The following ASPH variants were observed in gnomAD, a reference collection of about 807,000 sequenced individuals.
The protein encoded by ASPH is aspartyl/asparaginyl beta-hydroxylase.
ASPH carries 100 observed loss-of-function variants against 118.4 expected under a neutral mutation model. That is an observed-to-expected ratio of 0.84 (90% CI 0.72 to 1.00). The LOEUF is 1.00. ASPH is among the 50% of genes least tolerant of loss of function. ASPH has a pLI of 0.00. For missense variants in ASPH, 920 were observed against 919.5 expected, an observed-to-expected ratio of 1.00 and a Z score of -0.01; for synonymous variants, 315 against 325.6, an observed-to-expected ratio of 0.97 and a Z score of 0.35.
At position 61,633,723 on chromosome 8, in the gene ASPH, T is replaced by C. The variant is rs561156442; in HGVS notation, c.894A>G (p.Val298=). Residue 298 remains valine, a synonymous_variant, in exon 13 of 25, where the codon GTA becomes GTG. Transcript: ENST00000379454. The stretch of plus-strand genomic sequence containing the variant: ...GCTGTTCTTCCACAGGAAAAATGCT[T>C]ACTTCTAAAATAAATAATAAAGTTA... ...VEDSQVIVEE[V]SIFPVEEQQE... 1 of 1,595,278 alleles carries C rather than the reference T, an allele frequency of 6.3e-7. No homozygotes were observed. The highest frequency in any genetic ancestry group is 2.3e-5 in the East Asian group (1 of 44,308).
Position 61,552,019 on chromosome 8 carries a change from A to G in ASPH, c.1626+1012T>C, listed in dbSNP as rs528423206. On this transcript the variant is annotated intron_variant, in intron 20 of 24. Transcript: ENST00000379454. ...TGGTTCATGTTCCTAGCAGACAATT[A>G]CGTTATCACAAACCCCTTCACTTCT... is the stretch of plus-strand genomic sequence containing the variant. 2.6e-5 allele frequency among the ~76,000 whole-genome samples: 4 copies of G among 152,364 alleles called. No homozygotes were observed. The East Asian group carries it at 7.7e-4, about 29-fold the overall frequency.
Position 61,500,966 on chromosome 8 carries a change from A to G in ASPH, c.*2393T>C, listed in dbSNP as rs1371226294. 1 of 152,210 alleles carries G rather than the reference A, an allele frequency of 6.6e-6. No homozygotes were observed. The highest frequency in any genetic ancestry group is 1.5e-5 in the Non-Finnish European group (1 of 68,030). 9.4% of individuals were successfully genotyped at this position (152,210 alleles called of 1,614,324 possible). On this transcript the variant is annotated 3_prime_UTR_variant, in exon 25 of 25. Transcript: ENST00000379454. ...ACATCATCTCTTTCTCAATGGATCTAATGTTTTAATTTTTTCCCCTATTGG... is the reference window on the plus strand; with the variant it reads ...ACATCATCTCTTTCTCAATGGATCTGATGTTTTAATTTTTTCCCCTATTGG...
At chr8:61,561,043 G>T (rs1406252956) in intron 18 of ASPH, among the ~76,000 whole-genome samples, 1 of 141,688 alleles carries the variant, frequency 7.1e-6, no homozygotes, top group African/African-American at 2.6e-5. Flanking sequence ...GTAAGGGAAG[G>T]AAGGGAAGAA....
chr8:61,558,836 T>C (rs1190007326), intron 18 of ASPH, among the ~76,000 whole-genome samples: 1 of 152,174 alleles, frequency 6.6e-6, no homozygotes, highest in Non-Finnish European at 1.5e-5. Context: ...CAGTTGCCCT[T>C]TGAACAACAT....
intron 5 of ASPH, among the ~76,000 whole-genome samples, chr8:61,647,278 C>G (rs1808485613): frequency 6.6e-6 from 1 of 152,190 alleles, no homozygotes; most frequent in South Asian, 2.1e-4. Flanking sequence ...AAAGGCTACT[C>G]TATGGCCTTT....
At chr8:61,687,375 C>G (rs981108723) in intron 1 of ASPH, 1 of 152,144 alleles carries the variant, frequency 6.6e-6, no homozygotes, top group East Asian at 1.9e-4. Context: ...GGGAAGGAGA[C>G]AGCCAAACAC....
intron 1 of ASPH, 124 bp downstream of exon 1, chr8:61,714,145 C>A (rs1838780421): frequency 1.6e-6 from 2 of 1,256,296 alleles, no homozygotes; most frequent in South Asian, 5.3e-5. Context: ...AAAGGAGGAG[C>A]GTCGCGGGGG....
At chr8:61,507,085 A>T (rs1806892182) in intron 24 of ASPH, among the ~76,000 whole-genome samples, 1 of 152,210 alleles carries the variant, frequency 6.6e-6, no homozygotes, top group South Asian at 2.1e-4. Flanking sequence ...AAAGCCAAAG[A>T]TCTAGAATTG....
Position 61,518,121 on chromosome 8 carries a change from T to C in ASPH, c.1903A>G (p.Arg635Gly). The C allele has an allele frequency of 6.2e-7, 1 of 1,612,084 alleles. No homozygotes were observed. The highest frequency in any genetic ancestry group is 1.3e-5 in the African/African-American group (1 of 74,962). Residue 635 changes from arginine (R) to glycine (G), a missense_variant and splice_region_variant, in exon 23 of 25, where the codon AGA becomes GGA. By Grantham distance (125) the Arg-to-Gly change is moderately radical (BLOSUM62 -2). Coordinates refer to ENST00000379454, the MANE Select transcript of ASPH (RefSeq NM_004318.4). ...WSQFTLWQQG[R>G]RNENACKGAP... ...CCTTTGCAGGCATTTTCATTTCTTC[T>C]TCCTAGAATAAATAACATAATTGTT...
intron 14 of ASPH, chr8:61,606,982 G>A (rs748001812): frequency 8.3e-4 from 267 of 323,070 alleles, no homozygotes; most frequent in Non-Finnish European, 1.2e-3. Context: ...TTGAGGACCA[G>A]CTCAAATGTC....
Position 61,596,886 on chromosome 8 carries a change from A to G in ASPH, c.977-12857T>C, listed in dbSNP as rs372756506. Among the ~76,000 whole-genome samples, 27 of 152,354 alleles carry G rather than the reference A, an allele frequency of 1.8e-4. No homozygotes were observed. The East Asian group carries it at 4.2e-3, about 24-fold the overall frequency. Reference sequence around the variant, plus strand: ...AAGGGAACGCAATAATTTTCCAGCAACAGCTTCTGATGAAAAGGAAATTAT... The same window carrying G: ...AAGGGAACGCAATAATTTTCCAGCAGCAGCTTCTGATGAAAAGGAAATTAT... On this transcript the variant is annotated intron_variant, in intron 14 of 24. Transcript: ENST00000379454.
At chr8:61,533,425 A>G (rs956519871) in intron 21 of ASPH, among the ~76,000 whole-genome samples, 1 of 151,970 alleles carries the variant, frequency 6.6e-6, no homozygotes, top group Non-Finnish European at 1.5e-5. Context: ...TTTGTTCCCT[A>G]CATTTTCTCG....
intron 18 of ASPH, among the ~76,000 whole-genome samples, chr8:61,562,087 T>C (rs990195039): frequency 2.6e-5 from 4 of 152,162 alleles, no homozygotes; most frequent in Non-Finnish European, 5.9e-5. Context: ...ACAGAGGCGC[T>C]AACTTTCTCC....
chr8:61,594,696 GTGAT>G (rs750969638), intron 14 of ASPH, among the ~76,000 whole-genome samples: 2 of 152,066 alleles, frequency 1.3e-5, no homozygotes, highest in African/African-American at 2.4e-5. Context: ...TTTATTATCA[GTGAT>G]TGTTGTTAAT....
At chr8:61,520,857 T>C (rs1457957513) in intron 22 of ASPH, among the ~76,000 whole-genome samples, 1 of 152,222 alleles carries the variant, frequency 6.6e-6, no homozygotes, top group African/African-American at 2.4e-5. Flanking sequence ...GTGCCTTACC[T>C]GAATGACAGG....
rs1838458941 is a variant in ASPH, at chr8:61,583,970, C to G, written c.1036G>C (p.Asp346His). The G allele has an allele frequency of 6.3e-7, 1 of 1,586,550 alleles. No individual in the cohort carries two copies. Among genetic ancestry groups the G allele is most frequent in the African/African-American group, 1.4e-5 (1 of 73,416 alleles). ...CTTTTACGGAGTTTTTCTGCAGCAT[C>G]AAGTTCAGCTTTAATAGTCTTATCA... ...KFDKTIKAEL[D>H]AAEKLRKRGK... Residue 346 changes from aspartate to histidine, a missense_variant, in exon 15 of 25, where the codon GAT (aspartate) becomes CAT (histidine). Transcript: ENST00000379454.
chr8:61,618,209 CTAAG>C (rs1376470088), intron 14 of ASPH, among the ~76,000 whole-genome samples: 7 of 152,104 alleles, frequency 4.6e-5, no homozygotes, highest in African/African-American at 1.7e-4. Flanking sequence ...CATTTGCACA[CTAAG>C]TAAGATCTTA....
At chr8:61,540,307 C>T (rs1417499678) in intron 21 of ASPH, among the ~76,000 whole-genome samples, 1 of 152,118 alleles carries the variant, frequency 6.6e-6, no homozygotes, top group Non-Finnish European at 1.5e-5. Flanking sequence ...GGGGTGATTT[C>T]TCATCAACGG....
chr8:61,579,542 C>T, intron 15 of ASPH: 19 of 1,541,704 alleles, frequency 1.2e-5, no homozygotes, highest in Non-Finnish European at 1.7e-5. Context: ...GCCTGGGCTC[C>T]AGCTTTGGCT....
Sources: allele counts gnomAD v4.1 joint callset (sites outside exome capture counted in the v4.1 genomes callset), GRCh38; gene constraint gnomAD v4.1.1; transcripts MANE v1.5; gene names NCBI Gene and HGNC (gene_info 2026-07-23, HGNC 2026-07-21).